The following CTNND2 variants were observed in gnomAD, a reference collection of about 807,000 sequenced individuals.
CTNND2 encodes the protein catenin delta 2.
In CTNND2, 22 loss-of-function variants were observed where a neutral mutation model predicts 144.4. The ratio of observed to expected loss-of-function variants is 0.15; its 90% CI spans 0.11 to 0.22. CTNND2 has a LOEUF of 0.22. Among genes scored for constraint, CTNND2 ranks in the 10% least tolerant of loss-of-function variants. The pLI, the probability that CTNND2 is intolerant of heterozygous loss-of-function variation, is 1.00. For missense variants in CTNND2, 1,353 were observed against 1,618.8 expected, an observed-to-expected ratio of 0.84 and a Z score of 2.82; for synonymous variants, 751 against 695.6, an observed-to-expected ratio of 1.08 and a Z score of -1.25.
At chr5:11,527,227 A>AT (rs1446475369) in intron 3 of CTNND2, among the ~76,000 whole-genome samples, 1 of 152,140 alleles carries the variant, frequency 6.6e-6, no homozygotes, top group Non-Finnish European at 1.5e-5. Flanking sequence ...AATGTTATGT[A>AT]TTTTTTTACC....
chr5:11,247,038 C>T (rs1459060182), intron 9 of CTNND2, among the ~76,000 whole-genome samples: 3 of 152,190 alleles, frequency 2.0e-5, no homozygotes, highest in Admixed American at 2.0e-4. Context: ...TAAAAGATCC[C>T]TTTGACGGTG....
chr5:11,092,064 A>G lies in CTNND2; in HGVS notation c.2637+6511T>C, dbSNP rs372681840. ...ATCCCCCTGGTCCCTCAATCTTCATACCATGGCTTGGAAACTCTCTCTCAA... is the reference window on the plus strand; with the variant it reads ...ATCCCCCTGGTCCCTCAATCTTCATGCCATGGCTTGGAAACTCTCTCTCAA... On this transcript the variant is annotated intron_variant, in intron 15 of 21. Transcript: ENST00000304623. Among the ~76,000 whole-genome samples the G allele has an allele frequency of 7.2e-5, 11 of 152,232 alleles. No homozygotes were observed. The South Asian group carries it at 2.3e-3, about 32-fold the overall frequency.
Position 11,030,364 on chromosome 5 carries a change from T to C in CTNND2, c.2789-7385A>G, listed in dbSNP as rs548571867. On this transcript the variant is annotated intron_variant, in intron 16 of 21. Transcript: ENST00000304623. ...TCCCACTTTTTTTCTCCTGAGTCTT[T>C]TGTAGTGTGTATTTGATCTTCTTGA... 5.9e-5 allele frequency among the ~76,000 whole-genome samples: 9 copies of C among 152,258 alleles called. No homozygotes were observed. In the South Asian group the frequency reaches 1.9e-3, roughly 32 times the overall value.
intron 1 of CTNND2, among the ~76,000 whole-genome samples, chr5:11,760,361 C>T (rs1437524485): frequency 6.6e-6 from 1 of 152,054 alleles, no homozygotes; most frequent in Non-Finnish European, 1.5e-5. Flanking sequence ...GGTTAAGGGG[C>T]CTATTACCAG....
At chr5:11,890,879 T>C (rs995175463) in intron 1 of CTNND2, among the ~76,000 whole-genome samples, 1 of 151,842 alleles carries the variant, frequency 6.6e-6, no homozygotes, top group Admixed American at 6.6e-5. Flanking sequence ...AGAGGGGAGA[T>C]AAGATAAAAT....
At chr5:11,588,815 G>A (rs1779038717) in intron 2 of CTNND2, 2 of 985,190 alleles carry the variant, frequency 2.0e-6, no homozygotes, top group African/African-American at 1.7e-5. Flanking sequence ...TAGTCCCAAA[G>A]ATGAAGGGTT....
intron 2 of CTNND2, among the ~76,000 whole-genome samples, chr5:11,600,705 CAAA>C (rs755277116): frequency 3.7e-5 from 3 of 80,602 alleles, no homozygotes; most frequent in Non-Finnish European, 2.4e-5. Flanking sequence ...GATTCTGTCT[CAAA>C]AAAAAAAAAA....
chr5:11,512,695 G>A lies in CTNND2; in HGVS notation c.287+52249C>T, dbSNP rs187784105. ...CACCTGTGGTCAACAGTATTAGCAT[G>A]GTAAGTGATTTCTAGCTGATTTACA... On this transcript the variant is annotated intron_variant, in intron 3 of 21. Transcript: ENST00000304623. Among the ~76,000 whole-genome samples, 344 of 152,288 alleles carry A rather than the reference G, an allele frequency of 2.3e-3. 2 individuals are homozygous for A. Among genetic ancestry groups the A allele is most frequent in the African/African-American group, 7.9e-3 (327 of 41,568 alleles).
chr5:11,042,398 C>T (rs754956595), intron 16 of CTNND2, among the ~76,000 whole-genome samples: 3 of 152,226 alleles, frequency 2.0e-5, no homozygotes, highest in Non-Finnish European at 4.4e-5. Context: ...TATACACGCA[C>T]ACCTTGTTCA....
Position 10,988,050 on chromosome 5 carries a change from C to G in CTNND2, c.3343+61G>C. 2.5e-6 allele frequency: 4 copies of G among 1,606,908 alleles called. No individual in the cohort carries two copies. The highest frequency in any genetic ancestry group is 1.1e-5 in the South Asian group (1 of 89,538). On this transcript the variant is annotated intron_variant, in intron 20 of 21. Transcript: ENST00000304623. This position sits in a 1 kb window ranked among gnomAD's most constrained non-coding sequence, Gnocchi z 5.9. ...CCCCGTGAAGCCTGATGTCCCATATCTCTGCCTTGTCGCGGGTCAAGCCAC... is the reference window on the plus strand; with the variant it reads ...CCCCGTGAAGCCTGATGTCCCATATGTCTGCCTTGTCGCGGGTCAAGCCAC...
intron 3 of CTNND2, among the ~76,000 whole-genome samples, chr5:11,496,742 G>T (rs1346165798): frequency 6.6e-6 from 1 of 152,152 alleles, no homozygotes; most frequent in Non-Finnish European, 1.5e-5. Context: ...CACTCAGTCA[G>T]TTGTTTTGAA....
intron 1 of CTNND2, among the ~76,000 whole-genome samples, chr5:11,888,568 C>T (rs1405825584): frequency 2.0e-5 from 3 of 152,128 alleles, no homozygotes; most frequent in African/African-American, 7.2e-5. Flanking sequence ...GAAAGGAATA[C>T]ATGTTATTTT....
At chr5:11,133,224 G>A (rs1755785615) in intron 12 of CTNND2, among the ~76,000 whole-genome samples, 1 of 151,892 alleles carries the variant, frequency 6.6e-6, no homozygotes, top group Non-Finnish European at 1.5e-5. Flanking sequence ...AGATTATTTA[G>A]CCTTTTTTTT....
intron 3 of CTNND2, among the ~76,000 whole-genome samples, chr5:11,477,920 A>G (rs1767910768): frequency 6.6e-6 from 1 of 152,208 alleles, no homozygotes; most frequent in African/African-American, 2.4e-5. Flanking sequence ...TAGGGATTTA[A>G]GATCAAGCAA....
chr5:11,807,802 T>A (rs1792089225), intron 1 of CTNND2, among the ~76,000 whole-genome samples: 2 of 152,204 alleles, frequency 1.3e-5, no homozygotes, highest in Non-Finnish European at 2.9e-5. Flanking sequence ...AGGAAATGCA[T>A]GACATGGTTT....
intron 1 of CTNND2, among the ~76,000 whole-genome samples, chr5:11,811,417 T>C (rs1792326226): frequency 6.6e-6 from 1 of 152,212 alleles, no homozygotes; most frequent in East Asian, 1.9e-4. Flanking sequence ...AACTTACCCA[T>C]TCCACATGAG....
chr5:11,412,020 T>G lies in CTNND2; in HGVS notation c.322+15A>C. ...GTTTAGAAGTGTAAGTGTTCATCAA[T>G]AAGATAGACATTACCTTGTGACTGC... On this transcript the variant is annotated intron_variant, in intron 4 of 21. Transcript: ENST00000304623. 1 of 1,602,360 alleles carries G rather than the reference T, an allele frequency of 6.2e-7. No individual in the cohort carries two copies. The highest frequency in any genetic ancestry group is 8.6e-7 in the Non-Finnish European group (1 of 1,169,538).
intron 2 of CTNND2, among the ~76,000 whole-genome samples, chr5:11,591,211 C>A (rs535813459): frequency 6.6e-6 from 1 of 152,096 alleles, no homozygotes; most frequent in South Asian, 2.1e-4. Context: ...TGAAGGTGTC[C>A]CTGGTATTAT....
At chr5:11,644,715 A>T (rs946824587) in intron 2 of CTNND2, among the ~76,000 whole-genome samples, 3 of 152,028 alleles carry the variant, frequency 2.0e-5, no homozygotes, top group Non-Finnish European at 4.4e-5. Context: ...TATGTTATTT[A>T]ATCCTGCTGG....
Sources: gnomAD v4.1 joint callset for allele counts (sites outside exome capture counted in the v4.1 genomes callset) on GRCh38, gnomAD v4.1.1 for gene constraint, Gnocchi (gnomAD v3.1) non-coding constraint, MANE v1.5 for transcripts, NCBI Gene and HGNC (gene_info 2026-07-23, HGNC 2026-07-21) for gene names.